The following ROBO2 variants were observed in gnomAD, a reference collection of about 807,000 sequenced individuals.
ROBO2 encodes the protein roundabout homolog 2.
Under a neutral mutation model 160.8 loss-of-function variants are expected in ROBO2, and 53 were observed. That is an observed-to-expected ratio of 0.33 (90% CI 0.26 to 0.41). The LOEUF is 0.41. Ranked by LOEUF, ROBO2 falls within the 10% of genes least tolerant of loss-of-function variation. The pLI, the probability that ROBO2 is intolerant of heterozygous loss-of-function variation, is 1.00. For synonymous variants in ROBO2, 664 were observed against 611.7 expected (o/e 1.09, Z -1.26); for missense variants, 1,577 against 1,722.4 (o/e 0.92, Z 1.49).
intron 2 of ROBO2, among the ~76,000 whole-genome samples, chr3:76,035,056 A>G (rs1270306227): frequency 2.6e-5 from 4 of 152,012 alleles, no homozygotes; most frequent in Admixed American, 2.0e-4. Flanking sequence ...CTCCTCTTAC[A>G]TAGAAGTGAC....
intron 2 of ROBO2, among the ~76,000 whole-genome samples, chr3:76,102,950 A>G (rs562752714): frequency 6.6e-6 from 1 of 151,362 alleles, no homozygotes; most frequent in Non-Finnish European, 1.5e-5. Context: ...TCAGCCTCCC[A>G]ACTAGCTGGG....
chr3:77,440,542 A>T (rs2079810525), intron 2 of ROBO2, among the ~76,000 whole-genome samples: 1 of 152,174 alleles, frequency 6.6e-6, no homozygotes, highest in South Asian at 2.1e-4. Flanking sequence ...GCCCATATAT[A>T]TGGGTCATGA....
intron 2 of ROBO2, among the ~76,000 whole-genome samples, chr3:76,454,346 A>T (rs1236526089): frequency 6.6e-6 from 1 of 152,192 alleles, no homozygotes; most frequent in African/African-American, 2.4e-5. Context: ...TACTTTGTCA[A>T]ATTAGAAAGA....
intron 2 of ROBO2, among the ~76,000 whole-genome samples, chr3:77,302,568 A>C (rs1424605564): frequency 1.3e-5 from 2 of 152,152 alleles, no homozygotes; most frequent in East Asian, 3.8e-4. Flanking sequence ...AGAAATTCTT[A>C]AAGGTTATAC....
intron 2 of ROBO2, among the ~76,000 whole-genome samples, chr3:77,258,168 TAA>T (rs2058541975): frequency 6.6e-6 from 1 of 152,210 alleles, no homozygotes; most frequent in Non-Finnish European, 1.5e-5. Flanking sequence ...AAAATGTGTA[TAA>T]GAGATTTGAA....
At chr3:76,075,769 C>T (rs973454830) in intron 2 of ROBO2, among the ~76,000 whole-genome samples, 9 of 152,222 alleles carry the variant, frequency 5.9e-5, no homozygotes, top group East Asian at 3.9e-4. Flanking sequence ...ATAAAGGCCA[C>T]GTTAGTGCCA....
chr3:76,840,645 TTATATATATATATA>T (rs3068959), intron 2 of ROBO2, among the ~76,000 whole-genome samples: 119 of 134,978 alleles, frequency 8.8e-4, no homozygotes, highest in Non-Finnish European at 1.2e-3. Context: ...TAATTATATT[TTATATATATATATA>T]TATATATATA....
At chr3:77,451,855 T>A (rs2081148712) in intron 2 of ROBO2, among the ~76,000 whole-genome samples, 1 of 152,006 alleles carries the variant, frequency 6.6e-6, no homozygotes, top group Admixed American at 6.6e-5. Flanking sequence ...ACATGTGCCA[T>A]GTTGGTGTGC....
intron 2 of ROBO2, among the ~76,000 whole-genome samples, chr3:76,078,482 C>A (rs1169072450): frequency 6.6e-6 from 1 of 152,136 alleles, no homozygotes; most frequent in Admixed American, 6.5e-5. Context: ...CCTCCTGCCT[C>A]AGCTTCCCAA....
intron 2 of ROBO2, among the ~76,000 whole-genome samples, chr3:76,467,865 TAG>T (rs2106952225): frequency 6.6e-6 from 1 of 152,292 alleles, no homozygotes; most frequent in African/African-American, 2.4e-5. Flanking sequence ...AAGAGTTTTT[TAG>T]ACTCTATGTT....
At chr3:76,864,494 AT>A (rs1362541311) in intron 2 of ROBO2, among the ~76,000 whole-genome samples, 2 of 151,866 alleles carry the variant, frequency 1.3e-5, no homozygotes, top group African/African-American at 4.8e-5. Flanking sequence ...TTTCTCATCC[AT>A]TATGTCTCTA....
intron 2 of ROBO2, among the ~76,000 whole-genome samples, chr3:76,592,239 A>C (rs574680954): frequency 6.6e-6 from 1 of 152,224 alleles, no homozygotes; most frequent in African/African-American, 2.4e-5. Flanking sequence ...AATGTAATTT[A>C]ACATGTACCA....
chr3:77,394,005 A>T (rs2075008187), intron 2 of ROBO2, among the ~76,000 whole-genome samples: 1 of 152,134 alleles, frequency 6.6e-6, no homozygotes, highest in African/African-American at 2.4e-5. Flanking sequence ...TTTTGTTTTT[A>T]TGTGTGCGGC....
chr3:77,560,926 T>C (rs2093302037), intron 9 of ROBO2, among the ~76,000 whole-genome samples: 1 of 152,108 alleles, frequency 6.6e-6, no homozygotes, highest in African/African-American at 2.4e-5. Flanking sequence ...CCTCGGCTCA[T>C]TATATTTAGT....
chr3:77,188,159 AAAAG>A (rs917854687), intron 2 of ROBO2, among the ~76,000 whole-genome samples: 3 of 151,900 alleles, frequency 2.0e-5, no homozygotes, highest in South Asian at 4.1e-4. Flanking sequence ...GTTACTAAAA[AAAAG>A]AAAGAGACAG....
At chr3:76,722,511 G>A (rs2093481883) in intron 2 of ROBO2, among the ~76,000 whole-genome samples, 1 of 152,100 alleles carries the variant, frequency 6.6e-6, no homozygotes, top group African/African-American at 2.4e-5. Flanking sequence ...GTGGGTTTTA[G>A]CACATTTACA....
intron 2 of ROBO2, among the ~76,000 whole-genome samples, chr3:77,121,722 C>T (rs937729484): frequency 3.3e-5 from 5 of 152,100 alleles, no homozygotes; most frequent in African/African-American, 1.2e-4. Flanking sequence ...GTTGGAATTG[C>T]TTGGATGATT....
chr3:76,915,689 A>G (rs1281296101), intron 2 of ROBO2, among the ~76,000 whole-genome samples: 3 of 146,482 alleles, frequency 2.0e-5, no homozygotes, highest in South Asian at 2.2e-4. Context: ...AAAAAAAAAG[A>G]AAAAAAAAGA....
chr3:77,450,382 C>T (rs1254994339), intron 2 of ROBO2, among the ~76,000 whole-genome samples: 2 of 151,990 alleles, frequency 1.3e-5, no homozygotes, highest in South Asian at 2.1e-4. Context: ...AGCTTAATGA[C>T]CTTTGGAATA....
Sources: allele counts gnomAD v4.1 joint callset (sites outside exome capture counted in the v4.1 genomes callset), GRCh38; gene constraint gnomAD v4.1.1; transcripts MANE v1.5; gene names NCBI Gene and HGNC (gene_info 2026-07-23, HGNC 2026-07-21).